Variants in AKAP19 observed in about 807,000 individuals in gnomAD.
AKAP19 encodes the protein small A-kinase anchoring protein.
the AKAP19 span, among the ~76,000 whole-genome samples, chr2:189,977,000 A>C: frequency 6.6e-6 from 1 of 152,044 alleles, no homozygotes; most frequent in Non-Finnish European, 1.5e-5. Context: ...CCACTGTCCA[A>C]CAAGCCCCAG....
chr2:190,100,905 A>G, the AKAP19 span, among the ~76,000 whole-genome samples: 1 of 152,174 alleles, frequency 6.6e-6, no homozygotes, highest in Non-Finnish European at 1.5e-5. Context: ...AGTAGGTGAG[A>G]GAGGCAGAGA....
chr2:189,899,899 C>T, the AKAP19 span, among the ~76,000 whole-genome samples: 1 of 151,876 alleles, frequency 6.6e-6, no homozygotes, highest in African/African-American at 2.4e-5. Flanking sequence ...TAAAGGAAAA[C>T]AAATCTAAAT....
the AKAP19 span, among the ~76,000 whole-genome samples, chr2:190,017,812 T>G: frequency 6.6e-6 from 1 of 152,210 alleles, no homozygotes. Flanking sequence ...TAAAGAATTT[T>G]TTTTAGAAAT....
At chr2:190,037,732 A>G in the AKAP19 span, among the ~76,000 whole-genome samples, 1 of 152,208 alleles carries the variant, frequency 6.6e-6, no homozygotes, top group African/African-American at 2.4e-5. Context: ...CTTAGGATCC[A>G]TGGTGTGATC....
chr2:189,981,142 G>T, the AKAP19 span, among the ~76,000 whole-genome samples: 1 of 152,124 alleles, frequency 6.6e-6, no homozygotes, highest in Non-Finnish European at 1.5e-5. Flanking sequence ...TTAATGTATG[G>T]CTCTCTCTTA....
the AKAP19 span, among the ~76,000 whole-genome samples, chr2:190,184,426 T>C: frequency 1.4e-4 from 22 of 152,356 alleles, no homozygotes; most frequent in Admixed American, 1.2e-3. Context: ...TAACATACTA[T>C]AGGCACATGG....
chr2:189,968,910 A>ATAATAT, the AKAP19 span, among the ~76,000 whole-genome samples: 1 of 152,152 alleles, frequency 6.6e-6, no homozygotes, highest in East Asian at 1.9e-4. Flanking sequence ...TATTTCCTAT[A>ATAATAT]GTATAATACA....
At chr2:189,980,933 T>A in the AKAP19 span, among the ~76,000 whole-genome samples, 2 of 152,246 alleles carry the variant, frequency 1.3e-5, no homozygotes, top group Non-Finnish European at 2.9e-5. Flanking sequence ...ACTTCCTTTA[T>A]GACAGAGCAT....
At chr2:190,194,300 T>C in the AKAP19 span, among the ~76,000 whole-genome samples, 30 of 152,186 alleles carry the variant, frequency 2.0e-4, no homozygotes, top group African/African-American at 7.0e-4. Flanking sequence ...TTGACTATTC[T>C]AGTAATGTTT....
At chr2:189,894,088 G>A in the AKAP19 span, among the ~76,000 whole-genome samples, 1 of 152,148 alleles carries the variant, frequency 6.6e-6, no homozygotes, top group Non-Finnish European at 1.5e-5. Context: ...CTCAGAAAAT[G>A]TGTTTACCAA....
At chr2:189,892,601 G>T in the AKAP19 span, among the ~76,000 whole-genome samples, 1 of 152,158 alleles carries the variant, frequency 6.6e-6, no homozygotes, top group Non-Finnish European at 1.5e-5. Flanking sequence ...TCCTTCCTCT[G>T]GAAGCTTCGT....
At chr2:190,060,502 A>G in the AKAP19 span, 1 of 1,398,506 alleles carries the variant, frequency 7.2e-7, no homozygotes, top group African/African-American at 1.5e-5. Flanking sequence ...CTCCATATTA[A>G]TAGTTGAGCA....
At chr2:190,030,090 T>C in the AKAP19 span, among the ~76,000 whole-genome samples, 4 of 152,212 alleles carry the variant, frequency 2.6e-5, no homozygotes, top group Non-Finnish European at 5.9e-5. Context: ...TTGCATGTTA[T>C]ATATGTACAT....
chr2:189,983,804 C>T, the AKAP19 span, among the ~76,000 whole-genome samples: 4 of 152,170 alleles, frequency 2.6e-5, no homozygotes, highest in Non-Finnish European at 4.4e-5. Context: ...CATGTAGGTT[C>T]TTTTCTATTT....
the AKAP19 span, among the ~76,000 whole-genome samples, chr2:189,921,043 A>G: frequency 1.3e-5 from 2 of 152,104 alleles, no homozygotes; most frequent in African/African-American, 4.8e-5. Flanking sequence ...TCTTTGTGGA[A>G]TTATACCTTT....
the AKAP19 span, among the ~76,000 whole-genome samples, chr2:190,176,872 T>C: frequency 6.6e-6 from 1 of 152,286 alleles, no homozygotes; most frequent in East Asian, 1.9e-4. This position sits in a 1 kb window ranked among gnomAD's most constrained non-coding sequence, Gnocchi z 4.7. Flanking sequence ...TCTTAGCAAA[T>C]ACGAGGTAAG....
the AKAP19 span, among the ~76,000 whole-genome samples, chr2:189,971,532 A>G: frequency 1.3e-5 from 2 of 152,160 alleles, no homozygotes; most frequent in African/African-American, 2.4e-5. Flanking sequence ...TGGTATTTCT[A>G]GTTCTAGATC....
At chr2:189,935,301 T>G in the AKAP19 span, among the ~76,000 whole-genome samples, 17,345 of 149,054 alleles carry the variant, frequency 0.12, 1,256 homozygotes, top group Middle Eastern at 0.21. Flanking sequence ...CTAGCACGTG[T>G]GCAAAAAGAT....
the AKAP19 span, among the ~76,000 whole-genome samples, chr2:189,924,893 A>C: frequency 6.6e-6 from 1 of 152,092 alleles, no homozygotes; most frequent in Non-Finnish European, 1.5e-5. Context: ...AAAATAAATA[A>C]ATAAATAAAT....
Sources: gnomAD v4.1 joint callset for allele counts (sites outside exome capture counted in the v4.1 genomes callset) on GRCh38, gnomAD v4.1.1 for gene constraint, Gnocchi (gnomAD v3.1) non-coding constraint, MANE v1.5 for transcripts, NCBI Gene and HGNC (gene_info 2026-07-23, HGNC 2026-07-21) for gene names.